The following SLIT2 variants were observed in gnomAD, a reference collection of about 807,000 sequenced individuals.
SLIT2 encodes the protein slit homolog 2 protein.
SLIT2 carries 41 observed loss-of-function variants against 185.7 expected under a neutral mutation model. That is an observed-to-expected ratio of 0.22 (90% CI 0.17 to 0.29). SLIT2 has a LOEUF of 0.29. Among genes scored for constraint, SLIT2 ranks in the 10% least tolerant of loss-of-function variants. The probability of loss-of-function intolerance (pLI) is 1.00; values close to 1 mark genes in which losing one functional copy is unlikely to be tolerated. For synonymous variants in SLIT2, 693 were observed against 680.2 expected, an observed-to-expected ratio of 1.02 and a Z score of -0.29; for missense variants, 1,571 against 1,909.0, an observed-to-expected ratio of 0.82 and a Z score of 3.30.
At chr4:20,588,932 T>C (rs1013279899) in intron 29 of SLIT2, among the ~76,000 whole-genome samples, 4 of 152,192 alleles carry the variant, frequency 2.6e-5, no homozygotes, top group African/African-American at 9.6e-5. Flanking sequence ...TCTTTATATG[T>C]CAGAGGATGT....
chr4:20,322,454 C>A (rs896570651), intron 4 of SLIT2, among the ~76,000 whole-genome samples: 3 of 152,082 alleles, frequency 2.0e-5, no homozygotes, highest in Admixed American at 6.5e-5. Flanking sequence ...TGTCTTGAGG[C>A]CCCCAAATTT....
intron 6 of SLIT2, among the ~76,000 whole-genome samples, chr4:20,483,729 G>A (rs1716934152): frequency 1.3e-5 from 2 of 151,968 alleles, no homozygotes; most frequent in Non-Finnish European, 1.5e-5. Flanking sequence ...ACATCAAGAT[G>A]TCTTTTGTAT....
intron 9 of SLIT2, among the ~76,000 whole-genome samples, chr4:20,497,699 A>G (rs1718347173): frequency 1.3e-5 from 2 of 152,172 alleles, no homozygotes; most frequent in South Asian, 4.1e-4. Context: ...TTGAAAATGA[A>G]AAACTCTCCT....
At chr4:20,305,752 A>T (rs2109118561) in intron 4 of SLIT2, among the ~76,000 whole-genome samples, 1 of 151,912 alleles carries the variant, frequency 6.6e-6, no homozygotes. Flanking sequence ...GCTCAACTGT[A>T]ATCCCAGCTA....
rs1280703379 is a variant in SLIT2 at position 20,617,076 on chromosome 4, G to A, written c.4014G>A (p.Lys1338=). ...TGCCTGGCTGTGAGCCATGCCACAA[G>A]AAGGTGTGTGCCCATGGCACATGCC... ...GILPGCEPCH[K]KVCAHGTCQP... The change falls in exon 35 of 37, where the codon AAG becomes AAA. Residue 1338 remains lysine (K), a synonymous_variant. Coordinates refer to ENST00000504154, the MANE Select transcript of SLIT2 (RefSeq NM_004787.4). The A allele has an allele frequency of 1.9e-6, 3 of 1,614,074 alleles. No homozygotes were observed. Among genetic ancestry groups the A allele is most frequent in the Non-Finnish European group, 2.5e-6 (3 of 1,180,004 alleles).
At chr4:20,266,690 A>G (rs903562148) in intron 3 of SLIT2, among the ~76,000 whole-genome samples, 2 of 151,938 alleles carry the variant, frequency 1.3e-5, no homozygotes, top group African/African-American at 4.8e-5. Flanking sequence ...GAGGGAATAC[A>G]AAGATTTAGT....
intron 9 of SLIT2, among the ~76,000 whole-genome samples, chr4:20,499,619 G>C (rs997025522): frequency 6.6e-6 from 1 of 152,070 alleles, no homozygotes; most frequent in Admixed American, 6.6e-5. Flanking sequence ...CTCCTGAGTA[G>C]CTGGGACTAC....
chr4:20,511,420 C>CTTTT (rs1040955182), intron 11 of SLIT2, among the ~76,000 whole-genome samples: 7 of 122,058 alleles, frequency 5.7e-5, no homozygotes, highest in Non-Finnish European at 1.0e-4. Context: ...TTTTTTATTT[C>CTTTT]TTTTTTTTTT....
At chr4:20,265,390 A>G (rs1436759427) in intron 3 of SLIT2, among the ~76,000 whole-genome samples, 1 of 151,834 alleles carries the variant, frequency 6.6e-6, no homozygotes, top group Non-Finnish European at 1.5e-5. Context: ...CTTAGTATGG[A>G]TGGAAGAGAG....
At chr4:20,426,011 G>T (rs1728532186) in intron 4 of SLIT2, among the ~76,000 whole-genome samples, 1 of 152,146 alleles carries the variant, frequency 6.6e-6, no homozygotes, top group African/African-American at 2.4e-5. Context: ...GTAAACCTGT[G>T]ATTTTTTTCC....
chr4:20,567,626 A>G lies in SLIT2; in HGVS notation c.2948+11A>G, dbSNP rs371266156. The G allele has an allele frequency of 6.4e-7, 1 of 1,566,150 alleles. No individual in the cohort carries two copies. Among genetic ancestry groups the G allele is most frequent in the South Asian group, 1.1e-5 (1 of 90,106 alleles). ...AGAAGATGGATTCTGGTAGGTCATTAGTCTATGACCATCTGTGTCTGAAGT... is the reference window on the plus strand; with the variant it reads ...AGAAGATGGATTCTGGTAGGTCATTGGTCTATGACCATCTGTGTCTGAAGT... On this transcript the variant is annotated intron_variant, in intron 28 of 36. Transcript: ENST00000504154.
chr4:20,285,748 A>G (rs997237739), intron 4 of SLIT2, among the ~76,000 whole-genome samples: 2 of 152,130 alleles, frequency 1.3e-5, no homozygotes, highest in Non-Finnish European at 2.9e-5. Context: ...GTGTTTCACC[A>G]TATTGCCCAG....
At chr4:20,595,571 TG>T in intron 30 of SLIT2, 125 bp from the exon 31 acceptor site, 1 of 1,139,396 alleles carries the variant, frequency 8.8e-7, no homozygotes, top group South Asian at 1.5e-5. Flanking sequence ...TCCATTAATG[TG>T]GGGGCTCTAT....
At chr4:20,493,206 TAGA>T in intron 9 of SLIT2, among the ~76,000 whole-genome samples, 1 of 152,214 alleles carries the variant, frequency 6.6e-6, no homozygotes, top group East Asian at 1.9e-4. Flanking sequence ...TGAACCTAAT[TAGA>T]ATAACAGGAT....
chr4:20,537,971 T>C (rs1298989799), intron 18 of SLIT2, among the ~76,000 whole-genome samples: 1 of 152,206 alleles, frequency 6.6e-6, no homozygotes, highest in African/African-American at 2.4e-5. Flanking sequence ...TATTTATTTA[T>C]TTATTTGAGA....
chr4:20,381,903 A>G (rs888346985), intron 4 of SLIT2, among the ~76,000 whole-genome samples: 4 of 129,992 alleles, frequency 3.1e-5, no homozygotes, highest in African/African-American at 1.0e-4. Context: ...AATACATAAT[A>G]CATATGTATT....
At chr4:20,349,907 C>G (rs771064160) in intron 4 of SLIT2, among the ~76,000 whole-genome samples, 3 of 152,160 alleles carry the variant, frequency 2.0e-5, no homozygotes, top group Non-Finnish European at 2.9e-5. Flanking sequence ...TATGTCTGCT[C>G]CACTACCACA....
At chr4:20,345,826 G>T (rs908156071) in intron 4 of SLIT2, among the ~76,000 whole-genome samples, 2 of 151,808 alleles carry the variant, frequency 1.3e-5, no homozygotes, top group Admixed American at 6.6e-5. Context: ...GAGCACCCAC[G>T]TCTGGCCTGA....
intron 4 of SLIT2, among the ~76,000 whole-genome samples, chr4:20,301,588 TC>T (rs1717047423): frequency 6.6e-6 from 1 of 152,140 alleles, no homozygotes; most frequent in Non-Finnish European, 1.5e-5. Context: ...TGTCATGAAT[TC>T]CAATTCACTA....
Sources: gnomAD v4.1 joint callset for allele counts (sites outside exome capture counted in the v4.1 genomes callset) on GRCh38, gnomAD v4.1.1 for gene constraint, MANE v1.5 for transcripts, NCBI Gene and HGNC (gene_info 2026-07-23, HGNC 2026-07-21) for gene names.